VWF: variants seen among roughly 807,000 people sequenced by gnomAD.
VWF encodes Factor VIII related antigen.
Under a neutral mutation model 308.6 loss-of-function variants are expected in VWF, and 176 were observed. The ratio of observed to expected loss-of-function variants is 0.57; its 90% CI spans 0.50 to 0.65. The LOEUF is 0.65. Ranked by LOEUF, VWF falls within the 30% of genes least tolerant of loss-of-function variation. The pLI, the probability that VWF is intolerant of heterozygous loss-of-function variation, is 0.00. For missense variants in VWF, 3,146 were observed against 3,648.2 expected, an observed-to-expected ratio of 0.86 and a Z score of 3.55; for synonymous variants, 1,385 against 1,443.4, an observed-to-expected ratio of 0.96 and a Z score of 0.92.
At chr12:5,952,540 G>A (rs764294949) in intron 48 of VWF, 21 bp from the exon 49 acceptor site, 20 of 1,611,640 alleles carry the variant, frequency 1.2e-5, no homozygotes, top group Non-Finnish European at 1.5e-5. Context: ...AGAGGAGTGG[G>A]TAAAGTCAGA....
At position 5,981,953 on chromosome 12, in the gene VWF, A is replaced by C; in HGVS notation, c.7120T>G (p.Ser2374Ala). 3.7e-6 allele frequency: 3 copies of C among 804,438 alleles called. No homozygotes were observed. The highest frequency in any genetic ancestry group is 6.0e-6 in the Non-Finnish European group (3 of 503,200). The allele number at this position is 804,438 out of a possible 1,614,324, so 49.8% of individuals were successfully genotyped here. ...GTGGGCAAACGGTGCGGGGGGCAGGAGGGTGGGGACACTCTTTTGCACTCC... is the reference window on the plus strand; with the variant it reads ...GTGGGCAAACGGTGCGGGGGGCAGGCGGGTGGGGACACTCTTTTGCACTCC... Reference protein sequence around the residue: ...KEECKRVSPPSCPPHRLPTLR... With the variant: ...KEECKRVSPPACPPHRLPTLR... The change falls in exon 42 of 52, where the codon TCC (serine) becomes GCC (alanine). Residue 2374 changes from serine to alanine, a missense_variant. Around this residue, in one of 3 missense-constraint regions of VWF, gnomAD observed 989 missense variants for 1,117.4 expected, o/e 0.89. Coordinates refer to ENST00000261405, the MANE Select transcript of VWF (RefSeq NM_000552.5).
chr12:6,121,665 T>C (rs1195093670), intron 2 of VWF, among the ~76,000 whole-genome samples: 3 of 152,236 alleles, frequency 2.0e-5, no homozygotes, highest in Admixed American at 2.0e-4. Context: ...GCACAGTGGC[T>C]CACGCCTATA....
rs112165723 is a variant in VWF at position 6,015,925 on chromosome 12, C to G, written c.5455+164G>C. Among the ~76,000 whole-genome samples the G allele has an allele frequency of 4.9e-3, 746 of 152,290 alleles. 7 individuals carry two copies. Among genetic ancestry groups the G allele is most frequent in the African/African-American group, 0.017 (689 of 41,558 alleles). The stretch of plus-strand genomic sequence containing the variant: ...TTATTGTTTGGTTTCCTAATCACAT[C>G]GTGGTTGGATAATTTCCTGCTGTTT... On this transcript the variant is annotated intron_variant, in intron 31 of 51. Transcript: ENST00000261405.
intron 7 of VWF, among the ~76,000 whole-genome samples, 155 bp from the exon 8 acceptor site, chr12:6,073,896 C>A (rs1406998794): frequency 6.6e-6 from 1 of 152,080 alleles, no homozygotes; most frequent in Non-Finnish European, 1.5e-5. Context: ...GAGCCACGTG[C>A]CCCCCTGAGG....
At chr12:6,030,713 G>A (rs181430382) in intron 21 of VWF, among the ~76,000 whole-genome samples, 22 of 152,296 alleles carry the variant, frequency 1.4e-4, no homozygotes, top group Admixed American at 1.3e-3. Context: ...ACAGGGGACT[G>A]AATTAGTTTA....
At chr12:6,044,913 G>C (rs74058514) in intron 17 of VWF, among the ~76,000 whole-genome samples, 1 of 151,952 alleles carries the variant, frequency 6.6e-6, no homozygotes, top group South Asian at 2.1e-4. Flanking sequence ...CTCTGCTCGC[G>C]TCAGCCCCTG....
chr12:6,065,712 G>C (rs1944705885), intron 10 of VWF, among the ~76,000 whole-genome samples: 1 of 152,082 alleles, frequency 6.6e-6, no homozygotes, highest in Admixed American at 6.5e-5. Flanking sequence ...ATAGCACAGG[G>C]TTCTCTGAAC....
intron 15 of VWF, among the ~76,000 whole-genome samples, chr12:6,054,598 C>T (rs1944555787): frequency 6.6e-6 from 1 of 152,206 alleles, no homozygotes; most frequent in African/African-American, 2.4e-5. Context: ...ATGCTAGGCC[C>T]AGGGAGGCAG....
chr12:6,042,898 A>T (rs903683788), intron 18 of VWF, among the ~76,000 whole-genome samples: 1 of 152,190 alleles, frequency 6.6e-6, no homozygotes, highest in Non-Finnish European at 1.5e-5. Flanking sequence ...GCTGAGTATG[A>T]TGAAGAGACA....
intron 48 of VWF, 95 bp downstream of exon 48, chr12:5,953,401 A>AAC: frequency 2.1e-6 from 2 of 948,894 alleles, no homozygotes; most frequent in South Asian, 2.6e-5. Flanking sequence ...GCCAATACTG[A>AAC]ACCAAACTTA....
chr12:5,963,934 G>A (rs984686985), intron 47 of VWF, among the ~76,000 whole-genome samples: 13 of 152,302 alleles, frequency 8.5e-5, no homozygotes, highest in East Asian at 3.9e-4. Flanking sequence ...GCAGCCAGGC[G>A]CAGTGGCTCA....
intron 50 of VWF, 103 bp from the exon 51 acceptor site, chr12:5,949,986 A>G: frequency 1.9e-6 from 2 of 1,047,240 alleles, no homozygotes; most frequent in East Asian, 2.4e-5. Flanking sequence ...TCCCTTTCAC[A>G]GTAACCAAAT....
rs200097381 is a variant in VWF at position 6,073,699 on chromosome 12, G to T, written c.917C>A (p.Ser306Tyr). The change falls in exon 8 of 52, where the codon TCC becomes TAC. Residue 306 changes from serine to tyrosine, a missense_variant. By Grantham distance (144) the Ser-to-Tyr change is moderately radical. Transcript: ENST00000261405. ...GCTCTGGCAGGTCCTGGCGCAAGGGGACACACACTGCCTATACTCCATACC... is the reference window on the plus strand; with the variant it reads ...GCTCTGGCAGGTCCTGGCGCAAGGGTACACACACTGCCTATACTCCATACC... ...PAGMEYRQCV[S>Y]PCARTCQSLH... 1 of 1,614,052 alleles carries T rather than the reference G, an allele frequency of 6.2e-7. No individual in the cohort carries two copies. Among genetic ancestry groups the T allele is most frequent in the Non-Finnish European group, 8.5e-7 (1 of 1,180,034 alleles).
intron 5 of VWF, among the ~76,000 whole-genome samples, chr12:6,099,844 T>C (rs1199805114): frequency 6.6e-6 from 1 of 152,208 alleles, no homozygotes; most frequent in Non-Finnish European, 1.5e-5. Context: ...AAGAACTTCA[T>C]GTCTAAAACA....
intron 26 of VWF, 97 bp from the exon 27 acceptor site, chr12:6,022,132 G>T: frequency 6.5e-7 from 1 of 1,544,700 alleles, no homozygotes; most frequent in Non-Finnish European, 8.9e-7. Context: ...TCCTCCTCCT[G>T]CCCTAGAAGC....
At position 5,993,852 on chromosome 12, in the gene VWF, G is replaced by A; in HGVS notation, c.6598+10C>T. ...TCTCCAGGATTTTCAGAGGTAACTT[G>A]GAGACTCACCACAGAAATCAGGTGT... On this transcript the variant is annotated intron_variant, in intron 37 of 51. Coordinates refer to ENST00000261405, the MANE Select transcript of VWF (RefSeq NM_000552.5). 1 of 1,611,792 alleles carries A rather than the reference G, an allele frequency of 6.2e-7. No homozygotes were observed. Among genetic ancestry groups the A allele is most frequent in the Middle Eastern group, 1.7e-4 (1 of 6,056 alleles).
At chr12:6,107,111 G>A (rs1176060582) in intron 5 of VWF, among the ~76,000 whole-genome samples, 1 of 152,050 alleles carries the variant, frequency 6.6e-6, no homozygotes, top group Non-Finnish European at 1.5e-5. Flanking sequence ...GCACCAATAT[G>A]GATTAACCTC....
chr12:6,070,112 A>G (rs1944764185), intron 10 of VWF, among the ~76,000 whole-genome samples: 1 of 152,246 alleles, frequency 6.6e-6, no homozygotes, highest in African/African-American at 2.4e-5. Flanking sequence ...AGCAACTCAT[A>G]TGTCTTCCAA....
chr12:5,950,730 C>T (rs1943180884), intron 50 of VWF, among the ~76,000 whole-genome samples: 1 of 151,838 alleles, frequency 6.6e-6, no homozygotes, highest in Admixed American at 6.5e-5. Context: ...CTGAGCCTGG[C>T]TTATTGTCCT....
Sources: allele counts gnomAD v4.1 joint callset (sites outside exome capture counted in the v4.1 genomes callset), GRCh38; gene constraint gnomAD v4.1.1; regional missense constraint gnomAD v4.1.1; transcripts MANE v1.5; gene names NCBI Gene and HGNC (gene_info 2026-07-23, HGNC 2026-07-21).